NR3C1: variants seen among roughly 807,000 people sequenced by gnomAD.
NR3C1 encodes nuclear receptor subfamily 3 group C member 1.
Under a neutral mutation model 74.0 loss-of-function variants are expected in NR3C1, and 14 were observed. That is an observed-to-expected ratio of 0.19 (90% confidence interval 0.12 to 0.30). The LOEUF (loss-of-function observed/expected upper bound fraction) is 0.30, where lower values mean the gene tolerates loss of function less well. Among genes scored for constraint, NR3C1 ranks in the 10% least tolerant of loss-of-function variants. The pLI is 1.00. For missense variants in NR3C1, 695 were observed against 909.8 expected (o/e 0.76, Z 3.04); for synonymous variants, 308 against 332.5 (o/e 0.93, Z 0.80).
At chr5:143,350,307 C>A (rs964081094) in intron 2 of NR3C1, among the ~76,000 whole-genome samples, 1 of 152,034 alleles carries the variant, frequency 6.6e-6, no homozygotes, top group African/African-American at 2.4e-5. Context: ...GGTAGCCTGG[C>A]TTAAGGTAGG....
chr5:143,375,278 A>T (rs1687689869), intron 2 of NR3C1, among the ~76,000 whole-genome samples: 1 of 152,264 alleles, frequency 6.6e-6, no homozygotes, highest in South Asian at 2.1e-4. Context: ...GACAATTTCA[A>T]AACCTTTCCT....
chr5:143,400,541 T>C lies in NR3C1; in HGVS notation c.299A>G (p.Asn100Ser), dbSNP rs1412792500. Residue 100 changes from asparagine (N) to serine (S), a missense_variant, in exon 2 of 9, where the codon AAT becomes AGT. Asn to Ser is a conservative substitution (Grantham distance 46). Transcript: ENST00000394464. ...GCCCTGCTGTGGGAATCCCAGGTCA[T>C]TTCCCATCACTTTTGTTTCTGTCTC... ...MGETETKVMGNDLGFPQQGQI... is the reference protein window; with the variant it reads ...MGETETKVMGSDLGFPQQGQI... The C allele has an allele frequency of 4.3e-6, 7 of 1,614,128 alleles. No homozygotes were observed. The African/African-American group carries it at 5.3e-5, about 12-fold the overall frequency.
intron 1 of NR3C1, among the ~76,000 whole-genome samples, chr5:143,410,168 A>C (rs1251819817): frequency 6.6e-6 from 1 of 152,152 alleles, no homozygotes; most frequent in East Asian, 1.9e-4. Context: ...ATATGTCATT[A>C]GCTTTCTTCC....
chr5:143,430,030 C>T (rs928768765), intron 1 of NR3C1, among the ~76,000 whole-genome samples: 2 of 148,714 alleles, frequency 1.3e-5, no homozygotes, highest in African/African-American at 5.0e-5. Flanking sequence ...TGCAGTAAGC[C>T]AAGATTGCAC....
At chr5:143,327,811 C>T (rs932043565) in intron 2 of NR3C1, among the ~76,000 whole-genome samples, 2 of 152,260 alleles carry the variant, frequency 1.3e-5, no homozygotes, top group African/African-American at 4.8e-5. Context: ...GGCAGCTCCG[C>T]CCCTGTGGCT....
At chr5:143,377,928 T>C (rs1835505219) in intron 2 of NR3C1, among the ~76,000 whole-genome samples, 4 of 152,178 alleles carry the variant, frequency 2.6e-5, no homozygotes, top group Admixed American at 2.6e-4. Context: ...TTTCCGTTGA[T>C]TTATGGTTGA....
Position 143,403,351 on chromosome 5 carries a change from T to G in NR3C1, c.-154A>C. 4 of 985,420 alleles carry G rather than the reference T, an allele frequency of 4.1e-6. No homozygotes were observed. Among genetic ancestry groups the G allele is most frequent in the Non-Finnish European group, 4.8e-6 (4 of 829,952 alleles). 61.0% of individuals were successfully genotyped at this position (985,420 alleles called of 1,614,324 possible). ...AAAAAAGGAAGTAAACAGCCGCCCC[T>G]TTCTCCATGGGTGGGGGGAGAGCCC... On this transcript the variant is annotated 5_prime_UTR_variant, in exon 1 of 9. Transcript: ENST00000394464.
intron 2 of NR3C1, among the ~76,000 whole-genome samples, chr5:143,394,431 A>T (rs1051990769): frequency 6.6e-6 from 1 of 152,022 alleles, no homozygotes; most frequent in African/African-American, 2.4e-5. Context: ...CATAACCCAT[A>T]GAAATATATT....
At chr5:143,345,623 G>A (rs1173565097) in intron 2 of NR3C1, among the ~76,000 whole-genome samples, 4 of 152,188 alleles carry the variant, frequency 2.6e-5, no homozygotes, top group South Asian at 4.1e-4. Flanking sequence ...TATTATTTCT[G>A]AGCTATGTGG....
chr5:143,319,632 G>A (rs72801058), intron 2 of NR3C1, among the ~76,000 whole-genome samples: 2,770 of 152,214 alleles, frequency 0.018, 55 homozygotes, highest in Non-Finnish European at 0.029. Context: ...TGGTTATCAC[G>A]GTTGGGGAAA....
intron 2 of NR3C1, among the ~76,000 whole-genome samples, chr5:143,364,061 C>A (rs902991882): frequency 6.6e-6 from 1 of 152,038 alleles, no homozygotes; most frequent in East Asian, 1.9e-4. Context: ...CCAAGTAGAA[C>A]AGACTAATAA....
At chr5:143,397,683 T>G (rs1373383367) in intron 2 of NR3C1, among the ~76,000 whole-genome samples, 1 of 151,900 alleles carries the variant, frequency 6.6e-6, no homozygotes, top group Non-Finnish European at 1.5e-5. Context: ...ATAATTTCAT[T>G]TGATATTAAA....
In NR3C1 at chr5:143,435,272, G is replaced by C. The variant is rs181099937; in HGVS notation, c.-754C>G. On this transcript the variant is annotated 5_prime_UTR_variant, in exon 1 of 9. Transcript: ENST00000343796. ...TCCGTTGGACACATGCGCATTTTAC[G>C]GTCCTGCAGGGCTTGAAAGATTTCT... is the stretch of plus-strand genomic sequence containing the variant. 4 of 985,252 alleles carry C rather than the reference G, an allele frequency of 4.1e-6. No individual in the cohort carries two copies. In the African/African-American group the frequency reaches 5.2e-5, roughly 13 times the overall value. 61.0% of individuals were successfully genotyped at this position (985,252 alleles called of 1,614,324 possible). A position where few individuals can be genotyped will look rare whatever the true frequency, so the allele number is the denominator to read the frequency against.
At chr5:143,362,360 G>A (rs994385157) in intron 2 of NR3C1, among the ~76,000 whole-genome samples, 3 of 138,798 alleles carry the variant, frequency 2.2e-5, no homozygotes, top group Non-Finnish European at 4.8e-5. Context: ...ATGAAGACTT[G>A]TTTTTTTTTT....
chr5:143,416,477 A>G (rs1303621784), intron 1 of NR3C1, among the ~76,000 whole-genome samples: 1 of 151,772 alleles, frequency 6.6e-6, no homozygotes, highest in Non-Finnish European at 1.5e-5. Flanking sequence ...AAAAGCAAAG[A>G]GATCTGGAAA....
chr5:143,394,261 G>A (rs984076292), intron 2 of NR3C1, among the ~76,000 whole-genome samples: 5 of 152,002 alleles, frequency 3.3e-5, no homozygotes, highest in African/African-American at 1.2e-4. Flanking sequence ...TTGGACAAGT[G>A]ATAAAATTCG....
intron 2 of NR3C1, among the ~76,000 whole-genome samples, chr5:143,357,639 A>C (rs1831404253): frequency 6.6e-6 from 1 of 152,252 alleles, no homozygotes; most frequent in South Asian, 2.1e-4. Context: ...AGAGCCACGT[A>C]GATTCCTAGA....
chr5:143,321,068 C>A (rs1255952485), intron 2 of NR3C1, among the ~76,000 whole-genome samples: 4 of 152,134 alleles, frequency 2.6e-5, no homozygotes. Flanking sequence ...TTTGTTCCCA[C>A]CTTATGGTTC....
At chr5:143,425,697 A>G (rs1751493106) in intron 1 of NR3C1, among the ~76,000 whole-genome samples, 1 of 151,700 alleles carries the variant, frequency 6.6e-6, no homozygotes, top group Admixed American at 6.6e-5. Context: ...CTAGGACAGC[A>G]ATAATTGTTT....
Sources: gnomAD v4.1 joint callset for allele counts (sites outside exome capture counted in the v4.1 genomes callset) on GRCh38, gnomAD v4.1.1 for gene constraint, MANE v1.5 for transcripts, NCBI Gene and HGNC (gene_info 2026-07-23, HGNC 2026-07-21) for gene names.